The following GRIK2 variants were observed in gnomAD, a reference collection of about 807,000 sequenced individuals.
The protein encoded by GRIK2 is glutamate receptor ionotropic, kainate 2.
GRIK2 carries 32 observed loss-of-function variants against 100.3 expected under a neutral mutation model. The ratio of observed to expected loss-of-function variants is 0.32; its 90% CI spans 0.24 to 0.43. The LOEUF (loss-of-function observed/expected upper bound fraction) is 0.43. Among genes scored for constraint, GRIK2 ranks in the 20% least tolerant of loss-of-function variants. The probability of loss-of-function intolerance (pLI) is 1.00; values close to 1 mark genes in which losing one functional copy is unlikely to be tolerated. For missense variants in GRIK2, 843 were observed against 1,114.9 expected, an observed-to-expected ratio of 0.76 and a Z score of 3.47; for synonymous variants, 417 against 389.4, an observed-to-expected ratio of 1.07 and a Z score of -0.83.
chr6:101,464,157 T>C (rs1357874305), intron 2 of GRIK2, among the ~76,000 whole-genome samples: 1 of 152,144 alleles, frequency 6.6e-6, no homozygotes, highest in Non-Finnish European at 1.5e-5. Flanking sequence ...AAAGAGCACA[T>C]GTGGAACAGA....
chr6:101,920,394 CT>C (rs1789411330), intron 12 of GRIK2, among the ~76,000 whole-genome samples: 1 of 151,904 alleles, frequency 6.6e-6, no homozygotes, highest in African/African-American at 2.4e-5. Context: ...GGGCAAATGT[CT>C]TTAATGAGAA....
intron 10 of GRIK2, among the ~76,000 whole-genome samples, chr6:101,842,941 C>T (rs1166166223): frequency 1.3e-5 from 2 of 152,106 alleles, no homozygotes; most frequent in East Asian, 3.9e-4. Context: ...CTGGAATCTC[C>T]TTTCTAACAC....
intron 16 of GRIK2, among the ~76,000 whole-genome samples, chr6:102,066,584 A>C (rs1358251065): frequency 6.6e-6 from 1 of 151,608 alleles, no homozygotes; most frequent in African/African-American, 2.4e-5. Context: ...GATGTGAAAG[A>C]TGAAAGAACT....
At chr6:101,839,506 A>G (rs1274179542) in intron 10 of GRIK2, among the ~76,000 whole-genome samples, 1 of 152,180 alleles carries the variant, frequency 6.6e-6, no homozygotes, top group Non-Finnish European at 1.5e-5. Flanking sequence ...AAGTTTCCTG[A>G]AGGAATTTAG....
chr6:101,880,493 T>A (rs1297124871), intron 11 of GRIK2, among the ~76,000 whole-genome samples: 3 of 152,050 alleles, frequency 2.0e-5, no homozygotes, highest in Non-Finnish European at 4.4e-5. Context: ...TATCTTGACA[T>A]TCTTACTCTG....
At chr6:101,961,720 AC>A (rs1250019083) in intron 14 of GRIK2, among the ~76,000 whole-genome samples, 1 of 151,336 alleles carries the variant, frequency 6.6e-6, no homozygotes, top group Non-Finnish European at 1.5e-5. Flanking sequence ...GGCATGTGAC[AC>A]TCTCCCTTCC....
At chr6:102,053,184 A>G (rs1258590158) in intron 15 of GRIK2, among the ~76,000 whole-genome samples, 1 of 152,098 alleles carries the variant, frequency 6.6e-6, no homozygotes, top group Non-Finnish European at 1.5e-5. Context: ...CACAAACACT[A>G]TCAACACAAG....
chr6:101,791,786 T>G (rs1204928219), intron 7 of GRIK2, among the ~76,000 whole-genome samples: 1 of 151,804 alleles, frequency 6.6e-6, no homozygotes, highest in East Asian at 1.9e-4. Flanking sequence ...CTCGTTGATC[T>G]GTCTAATGTT....
chr6:101,835,564 G>A (rs1311432412), intron 10 of GRIK2, among the ~76,000 whole-genome samples: 1 of 142,294 alleles, frequency 7.0e-6, no homozygotes, highest in South Asian at 2.4e-4. Flanking sequence ...TCCATCCCCC[G>A]GGTTCAAGTG....
intron 16 of GRIK2, among the ~76,000 whole-genome samples, chr6:102,056,756 A>G (rs1323199649): frequency 6.6e-6 from 1 of 151,970 alleles, no homozygotes; most frequent in Non-Finnish European, 1.5e-5. Flanking sequence ...TGTCATAATT[A>G]TTTATCCTTC....
chr6:101,876,009 TTGTGTGTG>T (rs3054436), intron 11 of GRIK2, among the ~76,000 whole-genome samples: 2 of 148,824 alleles, frequency 1.3e-5, no homozygotes, highest in Admixed American at 6.7e-5. Context: ...GTTTATGTGT[TTGTGTGTG>T]TGTGTGTGTG....
intron 4 of GRIK2, among the ~76,000 whole-genome samples, chr6:101,655,594 A>G (rs1001269095): frequency 6.6e-6 from 1 of 152,258 alleles, no homozygotes; most frequent in Admixed American, 6.5e-5. Flanking sequence ...ATCAAATATC[A>G]TTCTCAAAAA....
intron 14 of GRIK2, among the ~76,000 whole-genome samples, chr6:102,010,115 A>G (rs1795450048): frequency 6.6e-6 from 1 of 152,122 alleles, no homozygotes; most frequent in African/African-American, 2.4e-5. Flanking sequence ...ACACATGCGC[A>G]ATCTCTCCCA....
chr6:101,682,700 A>T (rs1353496862), intron 6 of GRIK2, 94 bp downstream of exon 6: 1 of 601,588 alleles, frequency 1.7e-6, no homozygotes, highest in Non-Finnish European at 3.0e-6. Context: ...ATTATGACTG[A>T]TTCCTTTGTA....
chr6:101,421,390 C>A (rs183728792), intron 2 of GRIK2, among the ~76,000 whole-genome samples: 1 of 152,140 alleles, frequency 6.6e-6, no homozygotes, highest in African/African-American at 2.4e-5. Flanking sequence ...GAGGAGGAAG[C>A]AGGGGTCATT....
intron 10 of GRIK2, among the ~76,000 whole-genome samples, chr6:101,836,554 A>G (rs758160523): frequency 1.3e-5 from 2 of 149,738 alleles, no homozygotes; most frequent in East Asian, 1.9e-4. Context: ...TTTTAAAAAT[A>G]TGGTTATTAG....
intron 2 of GRIK2, among the ~76,000 whole-genome samples, chr6:101,457,471 A>G (rs1771070827): frequency 6.6e-6 from 1 of 152,038 alleles, no homozygotes; most frequent in African/African-American, 2.4e-5. Context: ...TCACATCCGT[A>G]TGTAATCTTT....
At chr6:101,470,078 GTCCCTTGACAA>G (rs777732342) in intron 2 of GRIK2, among the ~76,000 whole-genome samples, 1 of 152,160 alleles carries the variant, frequency 6.6e-6, no homozygotes, top group Non-Finnish European at 1.5e-5. Flanking sequence ...CTATTGGACA[GTCCCTTGACAA>G]AAGACAACTG....
intron 12 of GRIK2, 45 bp from the exon 13 acceptor site, chr6:101,924,555 TC>T (rs1562490303): frequency 2.1e-6 from 2 of 967,506 alleles, no homozygotes; most frequent in Middle Eastern, 3.1e-4. Flanking sequence ...TAGAATTTCT[TC>T]CCACTGCAAT....
Sources: allele counts gnomAD v4.1 joint callset (sites outside exome capture counted in the v4.1 genomes callset), GRCh38; gene constraint gnomAD v4.1.1; transcripts MANE v1.5; gene names NCBI Gene and HGNC (gene_info 2026-07-23, HGNC 2026-07-21).